ELK4: variants seen among roughly 807,000 people sequenced by gnomAD.
ELK4 encodes the protein ETS domain-containing protein Elk-4.
A neutral mutation model predicts 29.6 loss-of-function variants in ELK4; 16 were observed. The observed-to-expected ratio is 0.54, with a 90% confidence interval of 0.37 to 0.82. ELK4 has a LOEUF of 0.82. ELK4 is among the 40% of genes least tolerant of loss of function. The pLI is 0.00. For missense variants in ELK4, 465 were observed against 507.1 expected, an observed-to-expected ratio of 0.92 and a Z score of 0.80; for synonymous variants, 213 against 191.1, an observed-to-expected ratio of 1.11 and a Z score of -0.95.
chr1:205,625,618 A>G (rs1670438987), intron 1 of ELK4: 2 of 1,226,084 alleles, frequency 1.6e-6, no homozygotes, highest in Admixed American at 1.7e-5. Flanking sequence ...GGAGACCTGG[A>G]CCAAAAGAAA....
chr1:205,625,031 C>A lies in ELK4; in HGVS notation c.-9-1140G>T, dbSNP rs953944896. On this transcript the variant is annotated intron_variant, in intron 1 of 4. Coordinates refer to ENST00000357992, the MANE Select transcript of ELK4 (RefSeq NM_001973.4). ...CTTATGATTGAATACTTCACACACACAAAAAAAAACAAAAACAAAAAACCT... is the reference window on the plus strand; with the variant it reads ...CTTATGATTGAATACTTCACACACAAAAAAAAAAACAAAAACAAAAAACCT... Among the ~76,000 whole-genome samples the A allele has an allele frequency of 1.7e-4, 25 of 149,112 alleles. No homozygotes were observed. In the South Asian group the frequency reaches 2.5e-3, roughly 15 times the overall value.
chr1:205,614,067 C>A lies in ELK4; in HGVS notation c.*2479G>T. 1 of 225,200 alleles carries A rather than the reference C, an allele frequency of 4.4e-6. No homozygotes were observed. The highest frequency in any genetic ancestry group is 8.9e-6 in the Non-Finnish European group (1 of 112,924). 14.0% of individuals were successfully genotyped at this position (225,200 alleles called of 1,614,324 possible). On this transcript the variant is annotated 3_prime_UTR_variant, in exon 5 of 5. Transcript: ENST00000357992. ...TGACTTAAAAAAGGATACGCACACACACACTTCTCCAAATTAGTTGATCTC... is the reference window on the plus strand; with the variant it reads ...TGACTTAAAAAAGGATACGCACACAAACACTTCTCCAAATTAGTTGATCTC...
chr1:205,618,008 A>T (rs72749002), intron 4 of ELK4, among the ~76,000 whole-genome samples: 14,352 of 84,042 alleles, frequency 0.17, 958 homozygotes, highest in East Asian at 0.51. Flanking sequence ...AGCAAGAGAG[A>T]GAGAGAGAGT....
At chr1:205,617,908 A>AC (rs1670261098) in intron 4 of ELK4, among the ~76,000 whole-genome samples, 1 of 152,092 alleles carries the variant, frequency 6.6e-6, no homozygotes, top group South Asian at 2.1e-4. Context: ...CCTCAAAAAA[A>AC]AATTTTTTTT....
At chr1:205,628,262 T>C (rs542450711) in intron 1 of ELK4, among the ~76,000 whole-genome samples, 2 of 152,344 alleles carry the variant, frequency 1.3e-5, no homozygotes, top group African/African-American at 4.8e-5. Flanking sequence ...GACAGGCCTT[T>C]CTTCTGATGA....
chr1:205,631,556 G>A lies in ELK4; in HGVS notation c.-10+76C>T, dbSNP rs953582730. On this transcript the variant is annotated intron_variant, in intron 1 of 4. Coordinates refer to ENST00000357992, the MANE Select transcript of ELK4 (RefSeq NM_001973.4). The stretch of plus-strand genomic sequence containing the variant: ...CTTCCTGTTGTGCCGCGCGCCCCTC[G>A]GCCCCCGCCCCCGCTCCCGGCCGGT... 2.1e-4 allele frequency: 33 copies of A among 156,130 alleles called. No individual in the cohort carries two copies. In the East Asian group the frequency reaches 4.4e-3, roughly 21 times the overall value. 9.7% of individuals were successfully genotyped at this position (156,130 alleles called of 1,614,324 possible).
intron 1 of ELK4, among the ~76,000 whole-genome samples, chr1:205,630,106 AAAG>A (rs761773901): frequency 2.6e-4 from 39 of 152,286 alleles, no homozygotes; most frequent in Non-Finnish European, 4.3e-4. Context: ...CAAAAAAAAA[AAAG>A]AGGCTAATTA....
Position 205,620,088 on chromosome 1 carries a change from TG to T in ELK4, c.957del (p.Lys320ArgfsTer6). The T allele has an allele frequency of 6.2e-7, 1 of 1,614,224 alleles. No individual in the cohort carries two copies. Among genetic ancestry groups the T allele is most frequent in the Non-Finnish European group, 8.5e-7 (1 of 1,180,030 alleles). ...GCCAGTTCTAACCCTTTGGGTTTCT[TG>T]GATCTTGATGAATTATTTACTTTGT... ...EKDKVNNSSR[S>X]KKPKGLELAP... is the part of the protein sequence containing the mutation. On this transcript the variant is annotated frameshift_variant, in exon 3 of 5. Coordinates refer to ENST00000357992, the MANE Select transcript of ELK4 (RefSeq NM_001973.4). LOFTEE classifies it high-confidence loss of function.
At chr1:205,631,557 G>C in intron 1 of ELK4, 75 bp downstream of exon 1, 1 of 158,416 alleles carries the variant, frequency 6.3e-6, no homozygotes, top group Non-Finnish European at 1.3e-5. Flanking sequence ...GCGCCCCTCG[G>C]CCCCCGCCCC....
chr1:205,625,700 A>G, intron 1 of ELK4: 1 of 744,168 alleles, frequency 1.3e-6, no homozygotes, highest in Non-Finnish European at 2.4e-6. Context: ...TTTTTGTGAG[A>G]TGGAGTCCCA....
At chr1:205,617,856 G>A (rs184812340) in intron 4 of ELK4, among the ~76,000 whole-genome samples, 16 of 152,144 alleles carry the variant, frequency 1.1e-4, no homozygotes, top group Non-Finnish European at 1.9e-4. Context: ...AGCTGAGATC[G>A]TGCCATTGCA....
rs1366655815 is a variant in ELK4, at chr1:205,620,322, C to G, written c.724G>C (p.Ala242Pro). 2 of 1,614,030 alleles carry G rather than the reference C, an allele frequency of 1.2e-6. No individual in the cohort carries two copies. Among genetic ancestry groups the G allele is most frequent in the African/African-American group, 1.3e-5 (1 of 74,894 alleles). The change falls in exon 3 of 5, where the codon GCC becomes CCC. Residue 242 changes from alanine (A) to proline (P), a missense_variant. By Grantham distance (27) the Ala-to-Pro change is conservative. Around this residue, in one of 2 missense-constraint regions of ELK4, gnomAD observed 385 missense variants for 387.5 expected, o/e 0.99. Coordinates refer to ENST00000357992, the MANE Select transcript of ELK4 (RefSeq NM_001973.4). ...KLPSLEAPTSASNVMTAFATT... is the reference protein window; with the variant it reads ...KLPSLEAPTSPSNVMTAFATT... ...GCAAAAGCAGTCATTACGTTAGAGG[C>G]AGAGGTTGGGGCTTCCAGGGAAGGC...
chr1:205,627,976 T>C (rs1670500187), intron 1 of ELK4, among the ~76,000 whole-genome samples: 1 of 152,210 alleles, frequency 6.6e-6, no homozygotes, highest in African/African-American at 2.4e-5. Flanking sequence ...CAAGTCTCTT[T>C]CATCACAGTC....
At chr1:205,620,885 T>C in intron 2 of ELK4, 47 bp from the exon 3 acceptor site, 1 of 1,526,828 alleles carries the variant, frequency 6.5e-7, no homozygotes, top group Non-Finnish European at 8.7e-7. Context: ...TATAAACTTA[T>C]ATCCCATAGT....
At position 205,616,720 on chromosome 1, in the gene ELK4, T is replaced by C. The variant is rs1029648294; in HGVS notation, c.1198-76A>G. ...TTACTTTCTATCCTACTCTATTACCTGAGGCAAAACACAACAGCCTTCTGT... is the reference window on the plus strand; with the variant it reads ...TTACTTTCTATCCTACTCTATTACCCGAGGCAAAACACAACAGCCTTCTGT... On this transcript the variant is annotated intron_variant, in intron 4 of 4. Transcript: ENST00000357992. 5 of 1,296,940 alleles carry C rather than the reference T, an allele frequency of 3.9e-6. No homozygotes were observed. In the Admixed American group the frequency reaches 7.6e-5, roughly 20 times the overall value. The allele number at this position is 1,296,940 out of a possible 1,614,324, so 80.3% of individuals were successfully genotyped here. A position where few individuals can be genotyped will look rare whatever the true frequency, so the allele number is the denominator to read the frequency against.
intron 2 of ELK4, among the ~76,000 whole-genome samples, chr1:205,622,121 G>A (rs1670364070): frequency 6.6e-6 from 1 of 152,178 alleles, no homozygotes; most frequent in South Asian, 2.1e-4. Flanking sequence ...GGCTGAGGCA[G>A]GTGAATCACT....
At chr1:205,622,700 A>C (rs1670373889) in intron 2 of ELK4, among the ~76,000 whole-genome samples, 1 of 152,252 alleles carries the variant, frequency 6.6e-6, no homozygotes, top group African/African-American at 2.4e-5. Flanking sequence ...TTTTTAAAGT[A>C]AATTATGACA....
rs186491224 is a variant in ELK4, at chr1:205,620,660, G to A, written c.386C>T (p.Pro129Leu). 70 of 1,614,118 alleles carry A rather than the reference G, an allele frequency of 4.3e-5. 1 individual carries two copies. In the Middle Eastern group the frequency reaches 8.2e-4, roughly 19 times the overall value. The part of the protein sequence containing the change: ...DVENGGKDKP[P>L]QPGAKTSSRN... ...GCTAGAGGTCTTGGCACCAGGCTGA[G>A]GTGGTTTATCTTTCCCTCCATTCTC... The change falls in exon 3 of 5, where the codon CCT becomes CTT. Residue 129 changes from proline to leucine, a missense_variant. Physicochemically the swap from Pro to Leu is moderately conservative, Grantham distance 98. Around this residue, in one of 2 missense-constraint regions of ELK4, gnomAD observed 385 missense variants for 387.5 expected, o/e 0.99. Coordinates refer to ENST00000357992, the MANE Select transcript of ELK4 (RefSeq NM_001973.4).
rs541039795 is a variant in ELK4, at chr1:205,619,047, G to A, written c.1107C>T (p.Pro369=). 6.2e-7 allele frequency: 1 copy of A among 1,604,246 alleles called. No individual in the cohort carries two copies. Among genetic ancestry groups the A allele is most frequent in the African/African-American group, 1.3e-5 (1 of 74,456 alleles). ...SQTPIILTPS[P]LLSSIHFWST... The stretch of plus-strand genomic sequence containing the variant: ...TCCAGAAGTGGATACTGGAGAGCAA[G>A]GGGCTTGGAGTCAGTATGATGGGTG... The change falls in exon 4 of 5, where the codon CCC becomes CCT. Residue 369 remains proline, a synonymous_variant. Coordinates refer to ENST00000357992, the MANE Select transcript of ELK4 (RefSeq NM_001973.4).
Sources: allele counts gnomAD v4.1 joint callset (sites outside exome capture counted in the v4.1 genomes callset), GRCh38; gene constraint gnomAD v4.1.1; regional missense constraint gnomAD v4.1.1; transcripts MANE v1.5; gene names NCBI Gene and HGNC (gene_info 2026-07-23, HGNC 2026-07-21).